Variants in CLIC5 observed in about 807,000 individuals in gnomAD.
CLIC5 encodes CLIC family member 5.
In CLIC5, 20 loss-of-function variants were observed where a neutral mutation model predicts 24.7. The observed-to-expected ratio is 0.81, with a 90% CI of 0.57 to 1.18. CLIC5 has a LOEUF of 1.18. Ranked by LOEUF, CLIC5 falls within the 50% of genes most tolerant of loss-of-function variation. The probability of loss-of-function intolerance (pLI) is 0.00; values close to 1 mark genes in which losing one functional copy is unlikely to be tolerated. For missense variants in CLIC5, 341 were observed against 326.1 expected (o/e 1.05, Z -0.35); for synonymous variants, 159 against 135.6 (o/e 1.17, Z -1.20).
chr6:45,978,311 T>C (rs1394932569), intron 1 of CLIC5, among the ~76,000 whole-genome samples: 3 of 152,178 alleles, frequency 2.0e-5, no homozygotes, highest in African/African-American at 7.2e-5. Context: ...CTTGTCATTG[T>C]GTGATAAAAT....
intron 3 of CLIC5, among the ~76,000 whole-genome samples, chr6:45,942,036 C>T (rs529980512): frequency 5.3e-5 from 8 of 152,280 alleles, no homozygotes; most frequent in South Asian, 4.1e-4. Flanking sequence ...TTCCCTTACC[C>T]GCTAAAATAA....
intron 1 of CLIC5, among the ~76,000 whole-genome samples, chr6:45,979,717 A>T (rs199642122): frequency 1.1e-5 from 1 of 89,258 alleles, no homozygotes; most frequent in Non-Finnish European, 3.2e-5. Context: ...GGCATTGTTC[A>T]TTATATTTTT....
At chr6:45,986,603 T>G (rs1194959558) in intron 1 of CLIC5, among the ~76,000 whole-genome samples, 1 of 152,186 alleles carries the variant, frequency 6.6e-6, no homozygotes, top group Non-Finnish European at 1.5e-5. Flanking sequence ...AAACTTTTTT[T>G]TCTATAGTGA....
chr6:45,927,899 G>A (rs1763564238), intron 4 of CLIC5, among the ~76,000 whole-genome samples: 1 of 152,092 alleles, frequency 6.6e-6, no homozygotes, highest in South Asian at 2.1e-4. Context: ...AAGAACCTAT[G>A]GGGGTTATTC....
upstream of CLIC5, among the ~76,000 whole-genome samples, chr6:46,019,078 A>G (rs1018875478): frequency 6.8e-6 from 1 of 145,998 alleles, no homozygotes; most frequent in African/African-American, 2.6e-5. Context: ...AAACAAAAGT[A>G]TAGTAAAAAA....
intron 4 of CLIC5, among the ~76,000 whole-genome samples, chr6:45,939,760 C>T (rs2127364418): frequency 6.6e-6 from 1 of 151,976 alleles, no homozygotes; most frequent in East Asian, 1.9e-4. Flanking sequence ...CTTGTCATGG[C>T]TTCCTGAATA....
intron 5 of CLIC5, chr6:45,911,972 T>C: frequency 4.1e-6 from 4 of 985,548 alleles, no homozygotes; most frequent in Non-Finnish European, 4.8e-6. Context: ...CAACTCTGCT[T>C]CCAGGGATGG....
At position 45,900,417 on chromosome 6, in the gene CLIC5, T is replaced by C. The variant is rs1037207052; in HGVS notation, c.*2671A>G. The C allele has an allele frequency of 6.6e-6, 1 of 151,624 alleles. No homozygotes were observed. The highest frequency in any genetic ancestry group is 2.4e-5 in the African/African-American group (1 of 41,142). 9.4% of individuals were successfully genotyped at this position (151,624 alleles called of 1,614,324 possible). ...TGCAGACCCTCCCGTGCTCCCTGAG[T>C]TGTTCTTGGGACACCTAAGGACCTC... is the stretch of plus-strand genomic sequence containing the variant. On this transcript the variant is annotated 3_prime_UTR_variant, in exon 6 of 6. Transcript: ENST00000339561.
At chr6:45,891,633 CAA>C (rs5875942) in intron 6 of CLIC5, among the ~76,000 whole-genome samples, 4 of 126,620 alleles carry the variant, frequency 3.2e-5, no homozygotes, top group African/African-American at 2.9e-5. Context: ...GATTTCATTT[CAA>C]AAAAAAAAAA....
intron 3 of CLIC5, among the ~76,000 whole-genome samples, chr6:45,944,248 T>C (rs1764219936): frequency 6.6e-6 from 1 of 152,200 alleles, no homozygotes; most frequent in African/African-American, 2.4e-5. Flanking sequence ...TGTTTTGTGA[T>C]ACGTGAAAAT....
chr6:45,896,485 C>A (rs867357199), downstream of CLIC5, among the ~76,000 whole-genome samples: 1 of 152,216 alleles, frequency 6.6e-6, no homozygotes, highest in African/African-American at 2.4e-5. Flanking sequence ...GTCAAATTCT[C>A]GTTTCTTTGT....
intron 4 of CLIC5, among the ~76,000 whole-genome samples, chr6:45,939,788 A>T (rs972990166): frequency 1.3e-5 from 2 of 151,896 alleles, no homozygotes; most frequent in Non-Finnish European, 2.9e-5. Context: ...CTACAGGCAT[A>T]CATCACCTTG....
intron 4 of CLIC5, among the ~76,000 whole-genome samples, chr6:45,921,932 G>A (rs1763279059): frequency 6.6e-6 from 1 of 152,186 alleles, no homozygotes; most frequent in South Asian, 2.1e-4. Flanking sequence ...TTGGCCCTGG[G>A]TGTGAACAAC....
At chr6:45,919,759 T>A (rs1763180058) in intron 4 of CLIC5, among the ~76,000 whole-genome samples, 1 of 152,216 alleles carries the variant, frequency 6.6e-6, no homozygotes, top group Admixed American at 6.5e-5. Context: ...GAAAATGCTA[T>A]TTTGAAGATC....
the CLIC5 span, among the ~76,000 whole-genome samples, chr6:46,124,549 C>T: frequency 0.55 from 82,910 of 151,974 alleles, 23,389 homozygotes; most frequent in Middle Eastern, 0.76. Flanking sequence ...CCAAAAGCAA[C>T]GGCAACAAAA....
At chr6:46,030,985 A>T (rs1767482358) in intron 1 of CLIC5, among the ~76,000 whole-genome samples, 1 of 152,240 alleles carries the variant, frequency 6.6e-6, no homozygotes, top group Non-Finnish European at 1.5e-5. Flanking sequence ...ATCATGTTTT[A>T]AAAAGAAGAA....
the CLIC5 span, among the ~76,000 whole-genome samples, chr6:46,107,422 A>G: frequency 6.6e-6 from 1 of 152,186 alleles, no homozygotes; most frequent in East Asian, 1.9e-4. Flanking sequence ...CATAGTCTTC[A>G]CATCCCTGTC....
In CLIC5 at chr6:46,033,296, G is replaced by GTTT. The variant is rs564332141; in HGVS notation, c.540+46404_540+46406dup. Among the ~76,000 whole-genome samples, 299 of 143,490 alleles carry GTTT rather than the reference G, an allele frequency of 2.1e-3. 1 individual carries two copies. Among genetic ancestry groups the GTTT allele is most frequent in the African/African-American group, 6.7e-3 (262 of 39,358 alleles). 94.1% of individuals were successfully genotyped at this position (143,490 alleles called of 152,430 possible). A position where few individuals can be genotyped will look rare whatever the true frequency, so the allele number is the denominator to read the frequency against. On this transcript the variant is annotated intron_variant, in intron 1 of 5. Coordinates refer to the CLIC5 transcript ENST00000185206. Reference sequence around the variant, plus strand: ...GCCACCACACCCGGCCAAATCTATAGTTTTTTTTTTTTTAAGATGTATGCA... The same window carrying GTTT: ...GCCACCACACCCGGCCAAATCTATAGTTTTTTTTTTTTTTTTAAGATGTATGCA...
chr6:46,006,084 G>A (rs1383485991), intron 1 of CLIC5, among the ~76,000 whole-genome samples: 29 of 59,688 alleles, frequency 4.9e-4, no homozygotes, highest in Non-Finnish European at 7.2e-4. Context: ...ATATACACAT[G>A]TATAAATACA....
Sources: allele counts gnomAD v4.1 joint callset (sites outside exome capture counted in the v4.1 genomes callset), GRCh38; gene constraint gnomAD v4.1.1; transcripts MANE v1.5; gene names NCBI Gene and HGNC (gene_info 2026-07-23, HGNC 2026-07-21).